TAFA1: variants seen among roughly 807,000 people sequenced by gnomAD.
TAFA1 encodes chemokine-like protein TAFA-1.
Under a neutral mutation model 18.5 loss-of-function variants are expected in TAFA1, and 4 were observed. The observed-to-expected ratio is 0.22, with a 90% CI of 0.11 to 0.49. The LOEUF (loss-of-function observed/expected upper bound fraction) is 0.49, where lower values mean the gene tolerates loss of function less well. Among genes scored for constraint, TAFA1 ranks in the 20% least tolerant of loss-of-function variants. The probability of loss-of-function intolerance (pLI) is 0.98; values close to 1 mark genes in which losing one functional copy is unlikely to be tolerated. For missense variants in TAFA1, 147 were observed against 169.0 expected (o/e 0.87, Z 0.72); for synonymous variants, 56 against 55.2 (o/e 1.01, Z -0.06).
At chr3:68,254,357 G>A (rs1559579998) in intron 2 of TAFA1, among the ~76,000 whole-genome samples, 2 of 151,998 alleles carry the variant, frequency 1.3e-5, no homozygotes, top group Admixed American at 6.6e-5. Flanking sequence ...CACCTAAGAC[G>A]ATTGTTAGTG....
chr3:68,111,278 T>G (rs1308335875), intron 2 of TAFA1, among the ~76,000 whole-genome samples: 4 of 152,120 alleles, frequency 2.6e-5, no homozygotes, highest in Non-Finnish European at 5.9e-5. Context: ...AGAAGAACAA[T>G]GAGCTGATAT....
intron 2 of TAFA1, among the ~76,000 whole-genome samples, chr3:68,403,759 G>A (rs2070541400): frequency 6.6e-6 from 1 of 152,190 alleles, no homozygotes; most frequent in South Asian, 2.1e-4. Flanking sequence ...GAAAAAGTTT[G>A]TTGATCCTTG....
intron 3 of TAFA1, among the ~76,000 whole-genome samples, chr3:68,491,641 GTAAC>G (rs1322266495): frequency 2.0e-5 from 3 of 151,840 alleles, no homozygotes; most frequent in Admixed American, 2.0e-4. Context: ...GTATACATAT[GTAAC>G]TAACCTGCAC....
chr3:68,535,897 G>A (rs967955257), intron 3 of TAFA1, among the ~76,000 whole-genome samples: 1 of 152,134 alleles, frequency 6.6e-6, no homozygotes, highest in African/African-American at 2.4e-5. Flanking sequence ...ATTCATTAGT[G>A]ATTGGCTATC....
intron 2 of TAFA1, among the ~76,000 whole-genome samples, chr3:68,238,769 T>C (rs1175232188): frequency 6.6e-6 from 1 of 152,204 alleles, no homozygotes; most frequent in African/African-American, 2.4e-5. Flanking sequence ...CCTAGTTCTC[T>C]TCTCTCCATA....
Position 68,419,194 on chromosome 3 carries a change from C to T in TAFA1, c.259+1774C>T, listed in dbSNP as rs531353435. On this transcript the variant is annotated intron_variant, in intron 3 of 4. Transcript: ENST00000478136. ...CTCAGAAAGTTACTCTTTTTTATTTCCACAATATCCTACAGGTTATACCCA... is the reference window on the plus strand; with the variant it reads ...CTCAGAAAGTTACTCTTTTTTATTTTCACAATATCCTACAGGTTATACCCA... 1.9e-3 allele frequency among the ~76,000 whole-genome samples: 294 copies of T among 152,236 alleles called. 2 individuals are homozygous for T. The highest frequency in any genetic ancestry group is 6.7e-3 in the African/African-American group (279 of 41,550).
At chr3:68,135,485 C>G (rs1331355303) in intron 2 of TAFA1, among the ~76,000 whole-genome samples, 1 of 152,172 alleles carries the variant, frequency 6.6e-6, no homozygotes, top group Non-Finnish European at 1.5e-5. Context: ...TCTACAAGAC[C>G]CAGGTTCAAA....
chr3:68,348,119 G>A (rs562278375), intron 2 of TAFA1, among the ~76,000 whole-genome samples: 7 of 152,108 alleles, frequency 4.6e-5, no homozygotes, highest in South Asian at 2.1e-4. Flanking sequence ...TGCCACCCAC[G>A]GGAGCTTTTG....
In TAFA1 at chr3:68,321,381, G is replaced by T. The variant is rs1049888200; in HGVS notation, c.119-95899G>T. Among the ~76,000 whole-genome samples, 4 of 152,142 alleles carry T rather than the reference G, an allele frequency of 2.6e-5. 1 individual carries two copies. In the South Asian group the frequency reaches 8.3e-4, roughly 32 times the overall value. On this transcript the variant is annotated intron_variant, in intron 2 of 4. Transcript: ENST00000478136. ...TAAAGGCTCAATAAATTAGCTGTTA[G>T]TATGGCCATCTCCTCTGGGGTGTCT...
At chr3:68,402,856 C>T (rs916332183) in intron 2 of TAFA1, among the ~76,000 whole-genome samples, 1 of 152,132 alleles carries the variant, frequency 6.6e-6, no homozygotes, top group Non-Finnish European at 1.5e-5. Context: ...GAAATGGCTC[C>T]ACCCAATAGT....
intron 3 of TAFA1, among the ~76,000 whole-genome samples, chr3:68,508,207 C>A (rs949185394): frequency 1.3e-5 from 2 of 151,484 alleles, no homozygotes; most frequent in Admixed American, 6.6e-5. Context: ...GACACTTATC[C>A]TGTCAGATCA....
At chr3:68,296,147 CT>C in intron 2 of TAFA1, among the ~76,000 whole-genome samples, 1 of 152,286 alleles carries the variant, frequency 6.6e-6, no homozygotes, top group East Asian at 1.9e-4. Context: ...AGAGAATTGC[CT>C]ATGTGAGCTA....
At chr3:68,115,914 G>A (rs1406952150) in intron 2 of TAFA1, among the ~76,000 whole-genome samples, 2 of 152,166 alleles carry the variant, frequency 1.3e-5, no homozygotes, top group Non-Finnish European at 2.9e-5. Flanking sequence ...AAAATTTGGG[G>A]ATGAACCACC....
intron 2 of TAFA1, among the ~76,000 whole-genome samples, chr3:68,155,501 A>C (rs907171761): frequency 2.6e-5 from 4 of 152,158 alleles, no homozygotes; most frequent in Non-Finnish European, 5.9e-5. Context: ...AGATGGAGCC[A>C]TGTCTCAAAC....
chr3:68,184,146 A>G (rs189049844), intron 2 of TAFA1, among the ~76,000 whole-genome samples: 122 of 152,292 alleles, frequency 8.0e-4, no homozygotes, highest in Admixed American at 5.1e-3. Context: ...AAAAAGTGTC[A>G]TACATGCTGT....
chr3:68,476,377 G>A lies in TAFA1; in HGVS notation c.259+58957G>A, dbSNP rs139367370. 1.1e-3 allele frequency among the ~76,000 whole-genome samples: 163 copies of A among 152,264 alleles called. 2 individuals carry two copies. The highest frequency in any genetic ancestry group is 8.6e-3 in the Admixed American group (132 of 15,292). ...AAGTGCTCGGGACCTGTCCTGTTTAGTACAAAGGTTATGAAAGGGAAGCAT... is the reference window on the plus strand; with the variant it reads ...AAGTGCTCGGGACCTGTCCTGTTTAATACAAAGGTTATGAAAGGGAAGCAT... On this transcript the variant is annotated intron_variant, in intron 3 of 4. Coordinates refer to ENST00000478136, the MANE Select transcript of TAFA1 (RefSeq NM_213609.4).
intron 2 of TAFA1, among the ~76,000 whole-genome samples, chr3:68,163,500 G>C (rs1053495193): frequency 6.6e-6 from 1 of 152,174 alleles, no homozygotes; most frequent in Non-Finnish European, 1.5e-5. Context: ...CTTAAGTCAA[G>C]ACTTCAACCT....
chr3:68,231,429 C>T (rs552062826), intron 2 of TAFA1, among the ~76,000 whole-genome samples: 48 of 137,456 alleles, frequency 3.5e-4, no homozygotes, highest in African/African-American at 1.3e-3. Flanking sequence ...GGCGCAATCT[C>T]GGCTCACTGC....
At chr3:68,121,131 T>G (rs1055507124) in intron 2 of TAFA1, among the ~76,000 whole-genome samples, 1 of 152,214 alleles carries the variant, frequency 6.6e-6, no homozygotes, top group Non-Finnish European at 1.5e-5. Flanking sequence ...GAAAAGTATA[T>G]TTTATTTCTC....
Sources: gnomAD v4.1 joint callset for allele counts (sites outside exome capture counted in the v4.1 genomes callset) on GRCh38, gnomAD v4.1.1 for gene constraint, MANE v1.5 for transcripts, NCBI Gene and HGNC (gene_info 2026-07-23, HGNC 2026-07-21) for gene names.